Variants in WWOX observed in about 807,000 individuals in gnomAD.
WWOX encodes WW domain containing oxidoreductase, also known as WW domain-containing oxidoreductase.
WWOX carries 69 observed loss-of-function variants against 46.2 expected under a neutral mutation model. That is an observed-to-expected ratio of 1.49 (90% confidence interval 1.23 to 1.82). The LOEUF (loss-of-function observed/expected upper bound fraction) is 1.82. Ranked by LOEUF, WWOX falls within the 40% of genes most tolerant of loss-of-function variation. WWOX has a pLI of 0.00. For synonymous variants in WWOX, 359 were observed against 202.6 expected, an observed-to-expected ratio of 1.77 and a Z score of -6.56; for missense variants, 919 against 542.6, an observed-to-expected ratio of 1.69 and a Z score of -6.89.
rs558749017 is a variant in WWOX, at chr16:78,266,833, T to C, written c.516+102544T>C. ...CTCTCTCTCTCTCTCTCTGTCTCCC[T>C]CTCTCCCCCTCTCTCTCATAGTGAT... is the stretch of plus-strand genomic sequence containing the variant. On this transcript the variant is annotated intron_variant, in intron 5 of 8. Transcript: ENST00000566780. Among the ~76,000 whole-genome samples, 246 of 151,408 alleles carry C rather than the reference T, an allele frequency of 1.6e-3. 2 individuals carry two copies. The highest frequency in any genetic ancestry group is 5.3e-3 in the African/African-American group (217 of 41,222).
intron 8 of WWOX, among the ~76,000 whole-genome samples, chr16:78,437,655 T>C (rs1348209664): frequency 6.6e-6 from 1 of 152,170 alleles, no homozygotes; most frequent in African/African-American, 2.4e-5. Context: ...CTCCCTTCAA[T>C]TTATGGTGAA....
At chr16:78,508,722 A>G (rs1225950984) in intron 8 of WWOX, among the ~76,000 whole-genome samples, 1 of 152,188 alleles carries the variant, frequency 6.6e-6, no homozygotes, top group Admixed American at 6.5e-5. Context: ...AGAGTTGGGA[A>G]GCAGAGCGTG....
chr16:78,965,670 C>T (rs1393822000), intron 8 of WWOX, among the ~76,000 whole-genome samples: 2 of 152,022 alleles, frequency 1.3e-5, no homozygotes, highest in Admixed American at 6.6e-5. Context: ...CTATGTTACT[C>T]AACCCAGTTC....
At chr16:78,773,933 C>G (rs1196078379) in intron 8 of WWOX, among the ~76,000 whole-genome samples, 2 of 152,174 alleles carry the variant, frequency 1.3e-5, no homozygotes, top group African/African-American at 2.4e-5. Flanking sequence ...TTCCCAGGCC[C>G]TTCATGGAAT....
chr16:78,921,684 T>C (rs1448865402), intron 8 of WWOX, among the ~76,000 whole-genome samples: 1 of 152,188 alleles, frequency 6.6e-6, no homozygotes, highest in East Asian at 1.9e-4. Context: ...CAACTCCTTC[T>C]GAGTACTAAC....
rs573398946 is a variant in WWOX at position 78,443,796 on chromosome 16, TTTTTC to T, written c.1056+11049_1056+11053del. Among the ~76,000 whole-genome samples the T allele has an allele frequency of 3.8e-3, 580 of 152,300 alleles. 2 individuals carry two copies. The highest frequency in any genetic ancestry group is 0.01 in the Middle Eastern group (3 of 294). Reference sequence around the variant, plus strand: ...TTTGTAGCTCTTTTATTACTTTTCTTTTTTCTTTTAAGTTTGTGGTGCCTTCTTTG... The same window carrying T: ...TTTGTAGCTCTTTTATTACTTTTCTTTTTTAAGTTTGTGGTGCCTTCTTTG... On this transcript the variant is annotated intron_variant, in intron 8 of 8. Transcript: ENST00000566780.
At chr16:78,540,470 A>G (rs1321492887) in intron 8 of WWOX, among the ~76,000 whole-genome samples, 1 of 152,182 alleles carries the variant, frequency 6.6e-6, no homozygotes, top group Non-Finnish European at 1.5e-5. Flanking sequence ...AGTACTCAGG[A>G]AATCATTGAT....
chr16:78,913,171 A>G (rs1354947245), intron 8 of WWOX, among the ~76,000 whole-genome samples: 1 of 152,040 alleles, frequency 6.6e-6, no homozygotes, highest in African/African-American at 2.4e-5. Context: ...TCGCTGAGGT[A>G]ATATGAGGAG....
In WWOX at chr16:78,362,128, G is replaced by A. The variant is rs77540912; in HGVS notation, c.517-24732G>A. 2.8e-3 allele frequency among the ~76,000 whole-genome samples: 431 copies of A among 152,052 alleles called. 12 individuals are homozygous for A. The East Asian group carries it at 0.058, about 20-fold the overall frequency. On this transcript the variant is annotated intron_variant, in intron 5 of 8. Transcript: ENST00000566780. The stretch of plus-strand genomic sequence containing the variant: ...CACTCCCCACTTTTTATGTCCGGTG[G>A]CCATAGGCTGGTGAGAACTTGATTT...
intron 8 of WWOX, among the ~76,000 whole-genome samples, chr16:79,134,737 A>G (rs2150703576): frequency 6.6e-6 from 1 of 152,332 alleles, no homozygotes; most frequent in East Asian, 1.9e-4. Flanking sequence ...GAAGTAACTC[A>G]GCTAAGTCTG....
Position 79,200,713 on chromosome 16 carries a change from G to A in WWOX, c.1057-10895G>A, listed in dbSNP as rs548912210. 6.6e-5 allele frequency among the ~76,000 whole-genome samples: 10 copies of A among 152,214 alleles called. No individual in the cohort carries two copies. The South Asian group carries it at 1.9e-3, about 28-fold the overall frequency. Reference sequence around the variant, plus strand: ...TTGAGCCTCACACTCCCTGGACAAAGACATGAAAAACTCTGGATGATTTGG... The same window carrying A: ...TTGAGCCTCACACTCCCTGGACAAAAACATGAAAAACTCTGGATGATTTGG... On this transcript the variant is annotated intron_variant, in intron 8 of 8. Coordinates refer to ENST00000566780, the MANE Select transcript of WWOX (RefSeq NM_016373.4).
chr16:78,229,531 T>TATATAA (rs1555506158), intron 5 of WWOX, among the ~76,000 whole-genome samples: 1 of 148,112 alleles, frequency 6.8e-6, no homozygotes, highest in African/African-American at 2.5e-5. Context: ...TATATATATA[T>TATATAA]AAAATAATGA....
At chr16:78,759,796 C>G (rs1416496962) in intron 8 of WWOX, among the ~76,000 whole-genome samples, 2 of 152,132 alleles carry the variant, frequency 1.3e-5, no homozygotes, top group African/African-American at 2.4e-5. Flanking sequence ...AGGTTTCGCT[C>G]CAGAGTGAGT....
At chr16:79,147,751 T>G (rs527871474) in intron 8 of WWOX, among the ~76,000 whole-genome samples, 17 of 152,344 alleles carry the variant, frequency 1.1e-4, no homozygotes, top group African/African-American at 3.6e-4. Flanking sequence ...TTTGGTGGTG[T>G]TGCAGTTTTT....
chr16:78,670,291 C>T lies in WWOX; in HGVS notation c.1056+237539C>T, dbSNP rs939848912. On this transcript the variant is annotated intron_variant, in intron 8 of 8. Transcript: ENST00000566780. ...TCATATCCTTGGATGTTTTTCTGTGCATCTGTCTTTTCCGACCCTCCCGTG... is the reference window on the plus strand; with the variant it reads ...TCATATCCTTGGATGTTTTTCTGTGTATCTGTCTTTTCCGACCCTCCCGTG... Among the ~76,000 whole-genome samples, 3 of 152,262 alleles carry T rather than the reference C, an allele frequency of 2.0e-5. No homozygotes were observed. In the East Asian group the frequency reaches 5.8e-4, roughly 29 times the overall value.
intron 5 of WWOX, among the ~76,000 whole-genome samples, chr16:78,210,507 A>T (rs993458988): frequency 6.6e-6 from 1 of 151,956 alleles, no homozygotes; most frequent in Non-Finnish European, 1.5e-5. Context: ...ACACAGACAC[A>T]CACTCTCTCT....
intron 8 of WWOX, among the ~76,000 whole-genome samples, chr16:78,833,776 A>G (rs982745047): frequency 6.6e-6 from 1 of 152,254 alleles, no homozygotes; most frequent in Non-Finnish European, 1.5e-5. Context: ...AAACTGAGGC[A>G]TAAGAGGATC....
chr16:79,199,356 C>T (rs2051302204), intron 8 of WWOX, among the ~76,000 whole-genome samples: 1 of 152,146 alleles, frequency 6.6e-6, no homozygotes, highest in Non-Finnish European at 1.5e-5. Context: ...AGCCATGGTG[C>T]CAGGCCTCTC....
chr16:79,059,823 C>G (rs920856228), intron 8 of WWOX, among the ~76,000 whole-genome samples: 1 of 152,182 alleles, frequency 6.6e-6, no homozygotes, highest in African/African-American at 2.4e-5. Context: ...CAACATTACC[C>G]TCTTATTACT....
Sources: gnomAD v4.1 joint callset for allele counts (sites outside exome capture counted in the v4.1 genomes callset) on GRCh38, gnomAD v4.1.1 for gene constraint, MANE v1.5 for transcripts, NCBI Gene and HGNC (gene_info 2026-07-23, HGNC 2026-07-21) for gene names.